Variants in SMARCAD1 observed in about 807,000 individuals in gnomAD.
SMARCAD1 encodes SWI/SNF-related matrix-associated actin-dependent regulator of chromatin subfamily A containing DEAD/H box 1.
In SMARCAD1, 25 loss-of-function variants were observed where a neutral mutation model predicts 127.1. The observed-to-expected ratio is 0.20, with a 90% CI of 0.14 to 0.27. The LOEUF is 0.27. SMARCAD1 is among the 10% of genes least tolerant of loss of function. The pLI, the probability that SMARCAD1 is intolerant of heterozygous loss-of-function variation, is 1.00. For synonymous variants in SMARCAD1, 400 were observed against 396.9 expected (o/e 1.01, Z -0.09); for missense variants, 807 against 1,206.0 (o/e 0.67, Z 4.90).
intron 2 of SMARCAD1, among the ~76,000 whole-genome samples, chr4:94,217,351 G>A (rs1743357594): frequency 1.3e-5 from 2 of 151,916 alleles, no homozygotes; most frequent in East Asian, 1.9e-4. Flanking sequence ...GCATCTTTGG[G>A]TCTGTTAATC....
chr4:94,208,134 G>T (rs1242540971), intron 1 of SMARCAD1, 64 bp downstream of exon 1: 2 of 601,852 alleles, frequency 3.3e-6, no homozygotes, highest in Non-Finnish European at 6.2e-6. Context: ...CGGGGGAGGC[G>T]GACGAAGGGG....
chr4:94,272,894 C>T (rs1159328063), intron 11 of SMARCAD1, among the ~76,000 whole-genome samples: 1 of 152,056 alleles, frequency 6.6e-6, no homozygotes, highest in East Asian at 1.9e-4. Flanking sequence ...GCAGCCTCGA[C>T]CTCTTGAGCT....
At chr4:94,269,148 A>AC (rs1487905679) in intron 10 of SMARCAD1, among the ~76,000 whole-genome samples, 3 of 152,210 alleles carry the variant, frequency 2.0e-5, no homozygotes, top group Non-Finnish European at 2.9e-5. Flanking sequence ...TAAGTTGCAT[A>AC]CCCCACAGTT....
intron 12 of SMARCAD1, among the ~76,000 whole-genome samples, chr4:94,274,457 C>CA (rs1752982699): frequency 6.6e-6 from 1 of 152,142 alleles, no homozygotes; most frequent in Non-Finnish European, 1.5e-5. Context: ...GCTGGGACTA[C>CA]AGGCGCCCGC....
rs1285865962 is a variant in SMARCAD1 at position 94,290,523 on chromosome 4, A to C, written c.*989A>C. The stretch of plus-strand genomic sequence containing the variant: ...ATTAGGTACTGCATGGAAATAGGTC[A>C]TTAACTTGAAACTCTTATCAAAATA... On this transcript the variant is annotated 3_prime_UTR_variant, in exon 24 of 24. Transcript: ENST00000354268. The C allele has an allele frequency of 4.4e-6, 2 of 454,414 alleles. No homozygotes were observed. The highest frequency in any genetic ancestry group is 4.0e-5 in the African/African-American group (2 of 50,020). 28.1% of individuals were successfully genotyped at this position (454,414 alleles called of 1,614,324 possible).
intron 23 of SMARCAD1, among the ~76,000 whole-genome samples, chr4:94,288,783 A>G (rs924331038): frequency 6.6e-6 from 1 of 152,170 alleles, no homozygotes; most frequent in Non-Finnish European, 1.5e-5. Context: ...TGTTGTCACT[A>G]ACTAGTAAAT....
intron 23 of SMARCAD1, among the ~76,000 whole-genome samples, chr4:94,288,494 A>G (rs1248187204): frequency 6.6e-6 from 1 of 152,180 alleles, no homozygotes; most frequent in African/African-American, 2.4e-5. Context: ...GCTTGGAAGC[A>G]AGGATGTCAG....
rs1027092029 is a variant in SMARCAD1 at position 94,280,595 on chromosome 4, C to A, written c.2422C>A (p.Pro808Thr). The A allele has an allele frequency of 1.9e-6, 3 of 1,610,516 alleles. No homozygotes were observed. Among genetic ancestry groups the A allele is most frequent in the African/African-American group, 1.3e-5 (1 of 74,752 alleles). The change falls in exon 20 of 24, where the codon CCT (proline) becomes ACT (threonine). Residue 808 changes from proline (P) to threonine (T), a missense_variant. Physicochemically the swap from Pro to Thr is conservative, Grantham distance 38 (BLOSUM62 -1). Transcript: ENST00000354268. ...CTGTGTTTTGTTTTGTTTTAAGGAACCTACACATTGTGAGGCTAACCCTGA... is the reference window on the plus strand; with the variant it reads ...CTGTGTTTTGTTTTGTTTTAAGGAAACTACACATTGTGAGGCTAACCCTGA... ...KEMSQLMLKE[P>T]THCEANPDLI... is the part of the protein sequence containing the mutation.
chr4:94,222,476 C>T (rs1269819247), intron 2 of SMARCAD1, among the ~76,000 whole-genome samples: 4 of 136,804 alleles, frequency 2.9e-5, no homozygotes, highest in Non-Finnish European at 6.2e-5. Context: ...CTCTGTTAAT[C>T]ACTTGCCAAG....
intron 2 of SMARCAD1, among the ~76,000 whole-genome samples, chr4:94,217,169 A>T (rs1047031903): frequency 2.0e-5 from 3 of 152,196 alleles, no homozygotes; most frequent in Non-Finnish European, 4.4e-5. Context: ...GTTGATTTTT[A>T]ACTTTAAATC....
intron 3 of SMARCAD1, among the ~76,000 whole-genome samples, chr4:94,228,465 A>G (rs1745350045): frequency 6.6e-6 from 1 of 152,160 alleles, no homozygotes. Flanking sequence ...ATACCAATTA[A>G]CACTAGTACA....
intron 2 of SMARCAD1, among the ~76,000 whole-genome samples, chr4:94,219,315 C>T (rs991386187): frequency 2.6e-5 from 4 of 151,906 alleles, no homozygotes; most frequent in African/African-American, 9.7e-5. Flanking sequence ...TGGGAGATCA[C>T]CTTTGTTTAT....
chr4:94,233,858 C>T, intron 3 of SMARCAD1, 96 bp from the exon 4 acceptor site: 3 of 1,247,808 alleles, frequency 2.4e-6, no homozygotes, highest in Non-Finnish European at 3.4e-6. Flanking sequence ...AAAAGAACTG[C>T]AGATGTGTTG....
At chr4:94,251,845 A>AT (rs1441234114) in intron 8 of SMARCAD1, among the ~76,000 whole-genome samples, 3 of 151,632 alleles carry the variant, frequency 2.0e-5, no homozygotes, top group Admixed American at 6.6e-5. Context: ...TATTTGAATA[A>AT]TTTTTTTTAT....
chr4:94,210,869 G>A (rs1742107880), intron 2 of SMARCAD1, among the ~76,000 whole-genome samples: 1 of 144,514 alleles, frequency 6.9e-6, no homozygotes, highest in Non-Finnish European at 1.5e-5. Flanking sequence ...GGGAGGCAGA[G>A]GTTGCAGTGA....
intron 5 of SMARCAD1, among the ~76,000 whole-genome samples, chr4:94,239,072 T>C (rs1307399128): frequency 2.0e-5 from 3 of 152,154 alleles, no homozygotes; most frequent in Non-Finnish European, 4.4e-5. Context: ...AAATAAAAAA[T>C]TAGGATTTTC....
At chr4:94,244,115 A>G (rs1465567984) in intron 6 of SMARCAD1, among the ~76,000 whole-genome samples, 1 of 152,228 alleles carries the variant, frequency 6.6e-6, no homozygotes, top group Non-Finnish European at 1.5e-5. Context: ...AACAGAAGAA[A>G]AAGAAAGATT....
rs1042232854 is a variant in SMARCAD1 at position 94,208,996 on chromosome 4, A to G, written c.190+412A>G. The stretch of plus-strand genomic sequence containing the variant: ...GAGCTAGACATTGAGCAAGGTGCCT[A>G]AAGACAACCTCTGTACACAAGGGAA... On this transcript the variant is annotated intron_variant, in intron 2 of 23. Transcript: ENST00000354268. Among the ~76,000 whole-genome samples the G allele has an allele frequency of 5.9e-5, 9 of 152,216 alleles. No homozygotes were observed. In the East Asian group the frequency reaches 1.7e-3, roughly 29 times the overall value.
At chr4:94,218,801 T>C (rs1370696276) in intron 2 of SMARCAD1, among the ~76,000 whole-genome samples, 1 of 152,088 alleles carries the variant, frequency 6.6e-6, no homozygotes, top group Non-Finnish European at 1.5e-5. Flanking sequence ...ACAGATTTTA[T>C]AGTCTATTGT....
Sources: gnomAD v4.1 joint callset for allele counts (sites outside exome capture counted in the v4.1 genomes callset) on GRCh38, gnomAD v4.1.1 for gene constraint, MANE v1.5 for transcripts, NCBI Gene and HGNC (gene_info 2026-07-23, HGNC 2026-07-21) for gene names.